GLIPR1L1: variants seen among roughly 807,000 people sequenced by gnomAD.
GLIPR1L1 encodes GLIPR1 like 1.
GLIPR1L1 carries 26 observed loss-of-function variants against 29.9 expected under a neutral mutation model. The ratio of observed to expected loss-of-function variants is 0.87; its 90% confidence interval spans 0.64 to 1.21. The LOEUF is 1.21. GLIPR1L1 is among the 50% of genes most tolerant of loss of function. GLIPR1L1 has a pLI of 0.00. For synonymous variants in GLIPR1L1, 77 were observed against 97.5 expected (o/e 0.79, Z 1.24); for missense variants, 305 against 290.3 (o/e 1.05, Z -0.37).
Position 75,343,692 on chromosome 12 carries a change from G to T in GLIPR1L1, c.175-1G>T. The T allele has an allele frequency of 1.3e-6, 2 of 1,590,544 alleles. No homozygotes were observed. Among genetic ancestry groups the T allele is most frequent in the Admixed American group, 3.6e-5 (2 of 56,110 alleles). The stretch of plus-strand genomic sequence containing the variant: ...CAATTTAAATTATTTTTATCTTTCA[G>T]ATTTGGGATAAAGGTTTAGCAAAGA... On this transcript the variant is annotated splice_acceptor_variant, in intron 1 of 5. Transcript: ENST00000378695. LOFTEE classifies it high-confidence loss of function.
intron 3 of GLIPR1L1, chr12:75,360,616 C>G (rs1312883224): frequency 6.6e-6 from 1 of 152,182 alleles, no homozygotes; most frequent in African/African-American, 2.4e-5. Context: ...CCTTAGGCAG[C>G]TCCTTCACAG....
intron 3 of GLIPR1L1, among the ~76,000 whole-genome samples, chr12:75,352,691 A>C (rs1295075372): frequency 6.6e-6 from 1 of 152,362 alleles, no homozygotes; most frequent in East Asian, 1.9e-4. Context: ...CCAAAACAAC[A>C]GAATATACAT....
intron 1 of GLIPR1L1, among the ~76,000 whole-genome samples, chr12:75,343,080 A>G (rs1258329147): frequency 6.6e-6 from 1 of 151,974 alleles, no homozygotes. Flanking sequence ...GAATAATGAT[A>G]GATCCCAATC....
At chr12:75,346,400 T>A (rs1337095875) in intron 2 of GLIPR1L1, among the ~76,000 whole-genome samples, 1 of 152,160 alleles carries the variant, frequency 6.6e-6, no homozygotes, top group African/African-American at 2.4e-5. Context: ...AAACTCTTTT[T>A]TTTTTTTTGA....
chr12:75,347,619 T>A lies in GLIPR1L1; in HGVS notation c.421-3T>A, dbSNP rs779601919. The A allele has an allele frequency of 6.3e-7, 1 of 1,595,816 alleles. No individual in the cohort carries two copies. The highest frequency in any genetic ancestry group is 1.1e-5 in the South Asian group (1 of 90,268). Reference sequence around the variant, plus strand: ...TTTATCTTGACATTCCTTTTCTTTATAGTTAGTTTGGGCCAATTCATTTTA... The same window carrying A: ...TTTATCTTGACATTCCTTTTCTTTAAAGTTAGTTTGGGCCAATTCATTTTA... On this transcript the variant is annotated splice_region_variant and splice_polypyrimidine_tract_variant and intron_variant, in intron 2 of 5. Transcript: ENST00000378695.
chr12:75,369,844 A>G (rs948875245), intron 4 of GLIPR1L1, 116 bp from the exon 5 acceptor site: 80 of 1,333,676 alleles, frequency 6.0e-5, no homozygotes, highest in Non-Finnish European at 7.7e-5. Context: ...TTTCTTGTTA[A>G]AAAGTCAAAC....
In GLIPR1L1 at chr12:75,370,235, T is replaced by A; in HGVS notation, c.*59T>A. On this transcript the variant is annotated 3_prime_UTR_variant, in exon 6 of 6. Transcript: ENST00000378695. ...TAAAATAAAGGAATAGTTTATTGCT[T>A]AATATAACTTATCATCACTTTGCTT... The A allele has an allele frequency of 1.2e-6, 1 of 853,002 alleles. No individual in the cohort carries two copies. Among genetic ancestry groups the A allele is most frequent in the Non-Finnish European group, 1.9e-6 (1 of 515,868 alleles). The allele number at this position is 853,002 out of a possible 1,614,324, so 52.8% of individuals were successfully genotyped here.
chr12:75,360,783 C>G (rs540411746), intron 3 of GLIPR1L1: 24 of 152,312 alleles, frequency 1.6e-4, no homozygotes, highest in African/African-American at 5.5e-4. Context: ...CCCACCTTTT[C>G]TTTCCACACT....
chr12:75,363,982 T>C (rs2043795051), intron 4 of GLIPR1L1, among the ~76,000 whole-genome samples: 1 of 152,184 alleles, frequency 6.6e-6, no homozygotes, highest in Admixed American at 6.5e-5. Flanking sequence ...TTGAGTTAAG[T>C]AATTGTCTAA....
intron 4 of GLIPR1L1, among the ~76,000 whole-genome samples, chr12:75,369,008 T>G (rs570797094): frequency 1.6e-4 from 24 of 152,106 alleles, no homozygotes; most frequent in Middle Eastern, 3.4e-3. Context: ...GACTTGTACT[T>G]TTTCTCTTTT....
At chr12:75,369,341 A>G (rs2044201909) in intron 4 of GLIPR1L1, 1 of 164,638 alleles carries the variant, frequency 6.1e-6, no homozygotes, top group African/African-American at 2.4e-5. Context: ...AAAATTGAGT[A>G]TAGATTTTTC....
At position 75,370,251 on chromosome 12, in the gene GLIPR1L1, C is replaced by T; in HGVS notation, c.*75C>T. 2 of 779,152 alleles carry T rather than the reference C, an allele frequency of 2.6e-6. No homozygotes were observed. Among genetic ancestry groups the T allele is most frequent in the South Asian group, 3.1e-5 (2 of 64,330 alleles). 48.3% of individuals were successfully genotyped at this position (779,152 alleles called of 1,614,324 possible). A position where few individuals can be genotyped will look rare whatever the true frequency, so the allele number is the denominator to read the frequency against. ...TTTATTGCTTAATATAACTTATCAT[C>T]ACTTTGCTTCTTTACTGAATCTTCT... is the stretch of plus-strand genomic sequence containing the variant. On this transcript the variant is annotated 3_prime_UTR_variant, in exon 6 of 6. Coordinates refer to ENST00000378695, the MANE Select transcript of GLIPR1L1 (RefSeq NM_001304964.2).
At chr12:75,338,871 A>G (rs1160253940) in intron 1 of GLIPR1L1, among the ~76,000 whole-genome samples, 1 of 152,128 alleles carries the variant, frequency 6.6e-6, no homozygotes, top group Non-Finnish European at 1.5e-5. Flanking sequence ...CTGTTCCTGC[A>G]TTAGTTTGCT....
At chr12:75,335,967 T>C (rs2139230893) in intron 1 of GLIPR1L1, among the ~76,000 whole-genome samples, 2 of 152,086 alleles carry the variant, frequency 1.3e-5, no homozygotes, top group South Asian at 4.1e-4. Flanking sequence ...AAATGTTCTT[T>C]ATATTTCTTT....
At chr12:75,344,020 G>A in intron 2 of GLIPR1L1, 82 bp downstream of exon 2, 15 of 1,193,556 alleles carry the variant, frequency 1.3e-5, no homozygotes, top group Non-Finnish European at 1.6e-5. Context: ...TATGTAAAGT[G>A]CCTTTATTTT....
chr12:75,346,785 A>G (rs1461572636), intron 2 of GLIPR1L1, among the ~76,000 whole-genome samples: 1 of 152,224 alleles, frequency 6.6e-6, no homozygotes, highest in Admixed American at 6.5e-5. Flanking sequence ...CAATTGATAC[A>G]TCAATTTACG....
chr12:75,363,349 C>T (rs2043745867), intron 4 of GLIPR1L1, among the ~76,000 whole-genome samples, 159 bp downstream of exon 4: 1 of 152,084 alleles, frequency 6.6e-6, no homozygotes. Context: ...AATACTTAAA[C>T]TCAGATGATT....
At chr12:75,339,944 T>A (rs2041991018) in intron 1 of GLIPR1L1, among the ~76,000 whole-genome samples, 2 of 152,054 alleles carry the variant, frequency 1.3e-5, no homozygotes, top group African/African-American at 4.8e-5. Context: ...GTCCCCAAAG[T>A]CCATCATTCT....
intron 4 of GLIPR1L1, chr12:75,365,287 A>AT (rs1286804049): frequency 2.6e-5 from 4 of 152,212 alleles, no homozygotes; most frequent in Non-Finnish European, 5.9e-5. Flanking sequence ...AACCATGAGC[A>AT]ATAAATCACA....
Sources: gnomAD v4.1 joint callset for allele counts (sites outside exome capture counted in the v4.1 genomes callset) on GRCh38, gnomAD v4.1.1 for gene constraint, MANE v1.5 for transcripts, NCBI Gene and HGNC (gene_info 2026-07-23, HGNC 2026-07-21) for gene names.